PBX3: variants seen among roughly 807,000 people sequenced by gnomAD.
PBX3 encodes PBX homeobox 3.
PBX3 carries 14 observed loss-of-function variants against 48.5 expected under a neutral mutation model. The observed-to-expected ratio is 0.29, with a 90% CI of 0.19 to 0.45. The LOEUF (loss-of-function observed/expected upper bound fraction) is 0.45. PBX3 is among the 20% of genes least tolerant of loss of function. The pLI, the probability that PBX3 is intolerant of heterozygous loss-of-function variation, is 1.00. For missense variants in PBX3, 386 were observed against 546.7 expected (o/e 0.71, Z 2.93); for synonymous variants, 210 against 200.3 (o/e 1.05, Z -0.41).
At chr9:125,754,667 C>A (rs564887551) in intron 2 of PBX3, among the ~76,000 whole-genome samples, 4 of 151,926 alleles carry the variant, frequency 2.6e-5, no homozygotes, top group Non-Finnish European at 5.9e-5. Flanking sequence ...AGAATTGCAA[C>A]AAGAATTTCT....
chr9:125,748,585 C>T lies in PBX3; in HGVS notation c.236C>T (p.Ala79Val), dbSNP rs372548249. 1.1e-5 allele frequency: 17 copies of T among 1,613,548 alleles called. No homozygotes were observed. Among genetic ancestry groups the T allele is most frequent in the Non-Finnish European group, 1.4e-5 (16 of 1,179,868 alleles). ...CTGAACTGTCACAGAATGAAACCAG[C>T]GCTCTTCAGCGTCCTGTGTGAGATC... is the stretch of plus-strand genomic sequence containing the variant. ...HALNCHRMKP[A>V]LFSVLCEIKE... The change falls in exon 2 of 9, where the codon GCG becomes GTG. Residue 79 changes from alanine to valine, a missense_variant. Transcript: ENST00000373489.
intron 2 of PBX3, among the ~76,000 whole-genome samples, chr9:125,760,667 A>T (rs1034807165): frequency 6.6e-6 from 1 of 152,212 alleles, no homozygotes; most frequent in Non-Finnish European, 1.5e-5. Context: ...TGAACACAGC[A>T]TGATGGCACA....
chr9:125,815,558 C>G (rs185136583), intron 2 of PBX3, among the ~76,000 whole-genome samples: 1 of 152,224 alleles, frequency 6.6e-6, no homozygotes, highest in East Asian at 1.9e-4. Context: ...GACTGTATTA[C>G]TTTACTTTTA....
intron 2 of PBX3, among the ~76,000 whole-genome samples, chr9:125,780,093 GC>G (rs1837214661): frequency 7.1e-6 from 1 of 139,996 alleles, no homozygotes; most frequent in Non-Finnish European, 1.6e-5. Context: ...CCCGGACGGG[GC>G]GGCTGGCTGG....
chr9:125,960,937 C>A lies in PBX3; in HGVS notation c.1009+88C>A, dbSNP rs1588344789. The A allele has an allele frequency of 1.2e-5, 7 of 575,808 alleles. No individual in the cohort carries two copies. The East Asian group carries it at 2.7e-4, about 22-fold the overall frequency. The allele number at this position is 575,808 out of a possible 1,614,324, so 35.7% of individuals were successfully genotyped here. A position where few individuals can be genotyped will look rare whatever the true frequency, so the allele number is the denominator to read the frequency against. The stretch of plus-strand genomic sequence containing the variant: ...CACAGGCCAGGAAACAAGAGCCATA[C>A]TGAGGACAGAGTGGACTTAAAAAGG... On this transcript the variant is annotated intron_variant, in intron 6 of 8. Coordinates refer to ENST00000373489, the MANE Select transcript of PBX3 (RefSeq NM_006195.6).
rs138775238 is a variant in PBX3, at chr9:125,770,961, A to C, written c.274+22338A>C. Among the ~76,000 whole-genome samples the C allele has an allele frequency of 1.0e-2, 1,522 of 152,332 alleles. 13 individuals are homozygous for C. Among genetic ancestry groups the C allele is most frequent in the Non-Finnish European group, 0.014 (986 of 68,032 alleles). ...GCTGCTGTCAAGTGTTATTCAAATA[A>C]TACCAGCCTCACATTTGAATAACAG... On this transcript the variant is annotated intron_variant, in intron 2 of 8. Coordinates refer to ENST00000373489, the MANE Select transcript of PBX3 (RefSeq NM_006195.6).
rs1251009356 is a variant in PBX3, at chr9:125,966,144, A to T, written c.*221A>T. 3 of 412,936 alleles carry T rather than the reference A, an allele frequency of 7.3e-6. No homozygotes were observed. Among genetic ancestry groups the T allele is most frequent in the Non-Finnish European group, 1.3e-5 (3 of 230,688 alleles). 25.6% of individuals were successfully genotyped at this position (412,936 alleles called of 1,614,324 possible). A position where few individuals can be genotyped will look rare whatever the true frequency, so the allele number is the denominator to read the frequency against. On this transcript the variant is annotated 3_prime_UTR_variant, in exon 9 of 9. Coordinates refer to ENST00000373489, the MANE Select transcript of PBX3 (RefSeq NM_006195.6). ...AAAAAATAAAGCACTTTATCCAATT[A>T]GGCCAAGATTTAACATTGTTGACAG...
intron 2 of PBX3, among the ~76,000 whole-genome samples, chr9:125,842,067 C>G (rs1725551348): frequency 6.6e-6 from 1 of 152,132 alleles, no homozygotes; most frequent in African/African-American, 2.4e-5. Context: ...TGAAAACTTT[C>G]ATTTATATCT....
chr9:125,748,367 C>A, intron 1 of PBX3, 183 bp from the exon 2 acceptor site: 5 of 1,319,752 alleles, frequency 3.8e-6, no homozygotes, highest in Non-Finnish European at 4.9e-6. Context: ...CTGCAGCTTT[C>A]GCCGCCGGGG....
chr9:125,832,794 CT>C (rs1452881396), intron 2 of PBX3, among the ~76,000 whole-genome samples: 2 of 152,088 alleles, frequency 1.3e-5, no homozygotes, highest in Non-Finnish European at 2.9e-5. Flanking sequence ...TTGTATTTCT[CT>C]TTACCACCAC....
intron 2 of PBX3, among the ~76,000 whole-genome samples, chr9:125,902,518 A>G (rs865837407): frequency 6.6e-6 from 1 of 151,720 alleles, no homozygotes; most frequent in African/African-American, 2.4e-5. Context: ...TTGTACCAGT[A>G]TAGCTTGAAT....
chr9:125,919,689 T>C (rs1317466080), intron 3 of PBX3, among the ~76,000 whole-genome samples: 1 of 152,210 alleles, frequency 6.6e-6, no homozygotes, highest in Non-Finnish European at 1.5e-5. Flanking sequence ...CTTAGAGTTA[T>C]TCACTCTACT....
chr9:125,827,266 A>G (rs2132177934), intron 2 of PBX3, among the ~76,000 whole-genome samples: 1 of 152,270 alleles, frequency 6.6e-6, no homozygotes, highest in South Asian at 2.1e-4. Flanking sequence ...TTGCTTATGA[A>G]ATATTTCAAA....
intron 2 of PBX3, among the ~76,000 whole-genome samples, chr9:125,769,827 C>T (rs904681497): frequency 1.3e-5 from 2 of 152,226 alleles, no homozygotes; most frequent in South Asian, 2.1e-4. Flanking sequence ...GGAAGTAGGA[C>T]GAGGAGATTT....
At chr9:125,920,061 G>A (rs993993825) in intron 3 of PBX3, among the ~76,000 whole-genome samples, 1 of 152,184 alleles carries the variant, frequency 6.6e-6, no homozygotes, top group Non-Finnish European at 1.5e-5. Context: ...GGCATGGGAT[G>A]TATATTAGGG....
intron 2 of PBX3, among the ~76,000 whole-genome samples, chr9:125,855,881 A>T (rs1839707395): frequency 6.6e-6 from 1 of 152,186 alleles, no homozygotes; most frequent in South Asian, 2.1e-4. Flanking sequence ...CAACTGTATA[A>T]AATTTACAAC....
In PBX3 at chr9:125,876,802, C is replaced by CT. The variant is rs59596389; in HGVS notation, c.275-38866dup. On this transcript the variant is annotated intron_variant, in intron 2 of 8. Coordinates refer to ENST00000373489, the MANE Select transcript of PBX3 (RefSeq NM_006195.6). The stretch of plus-strand genomic sequence containing the variant: ...TATATGTGTATGTCTTTCTTTCTTT[C>CT]TTTTTTTTTTTTTTTTTTGAGACGA... Among the ~76,000 whole-genome samples, 953 of 128,952 alleles carry CT rather than the reference C, an allele frequency of 7.4e-3. 4 individuals carry two copies. The highest frequency in any genetic ancestry group is 0.021 in the East Asian group (98 of 4,572). 84.6% of individuals were successfully genotyped at this position (128,952 alleles called of 152,430 possible).
intron 2 of PBX3, among the ~76,000 whole-genome samples, chr9:125,794,927 CATT>C (rs1226576584): frequency 3.3e-5 from 5 of 152,138 alleles, no homozygotes; most frequent in Admixed American, 1.3e-4. Context: ...CTGAATGAGC[CATT>C]ACGTTTTGAA....
chr9:125,889,673 A>G (rs1350661255), intron 2 of PBX3, among the ~76,000 whole-genome samples: 1 of 151,968 alleles, frequency 6.6e-6, no homozygotes, highest in Non-Finnish European at 1.5e-5. Context: ...CGCACATGAC[A>G]CGGAGGCTGC....
Sources: allele counts gnomAD v4.1 joint callset (sites outside exome capture counted in the v4.1 genomes callset), GRCh38; gene constraint gnomAD v4.1.1; transcripts MANE v1.5; gene names NCBI Gene and HGNC (gene_info 2026-07-23, HGNC 2026-07-21).